The following RGS3 variants were observed in gnomAD, a reference collection of about 807,000 sequenced individuals.
RGS3 encodes the protein regulator of G protein signaling 3.
Under a neutral mutation model 132.6 loss-of-function variants are expected in RGS3, and 80 were observed. The observed-to-expected ratio is 0.60, with a 90% CI of 0.50 to 0.73. The LOEUF (loss-of-function observed/expected upper bound fraction) is 0.73. Among genes scored for constraint, RGS3 ranks in the 30% least tolerant of loss-of-function variants. The pLI, the probability that RGS3 is intolerant of heterozygous loss-of-function variation, is 0.00. For missense variants in RGS3, 1,382 were observed against 1,530.8 expected (o/e 0.90, Z 1.62); for synonymous variants, 598 against 620.6 (o/e 0.96, Z 0.54).
intron 15 of RGS3, among the ~76,000 whole-genome samples, chr9:113,515,683 C>A (rs10981803): frequency 0.12 from 18,044 of 152,116 alleles, 1,278 homozygotes; most frequent in African/African-American, 0.19. Context: ...ATTCCATCAC[C>A]CAGATATGAT....
intron 20 of RGS3, among the ~76,000 whole-genome samples, chr9:113,589,502 C>T (rs184024311): frequency 7.2e-5 from 11 of 152,328 alleles, no homozygotes; most frequent in Middle Eastern, 3.4e-3. Flanking sequence ...AAGGAAGAGC[C>T]CATTTCCCAG....
intron 6 of RGS3, 112 bp downstream of exon 4, chr9:113,484,344 A>C (rs567765763): frequency 2.6e-5 from 13 of 499,396 alleles, no homozygotes; most frequent in South Asian, 2.4e-4. Flanking sequence ...AAAAAAAAAA[A>C]AAAAACCAAA....
At chr9:113,578,989 C>G (rs1280813246) in intron 19 of RGS3, among the ~76,000 whole-genome samples, 1 of 152,150 alleles carries the variant, frequency 6.6e-6, no homozygotes, top group Non-Finnish European at 1.5e-5. Flanking sequence ...GATTCCAGTC[C>G]AGGTCTTCTG....
intron 8 of RGS3, among the ~76,000 whole-genome samples, chr9:113,497,013 T>G (rs1830707213): frequency 6.6e-6 from 1 of 152,168 alleles, no homozygotes; most frequent in Non-Finnish European, 1.5e-5. Context: ...ATACCAGGCA[T>G]AGTGTGAGGC....
chr9:113,594,201 C>T lies in RGS3; in HGVS notation c.3081-229C>T, dbSNP rs373308593. 112 of 1,612,826 alleles carry T rather than the reference C, an allele frequency of 6.9e-5. 2 individuals are homozygous for T. The South Asian group carries it at 9.3e-4, about 13-fold the overall frequency. On this transcript the variant is annotated intron_variant, in intron 21 of 24. Transcript: ENST00000350696. Reference sequence around the variant, plus strand: ...CCGTTGCTGCCCGCTGCCCAGGACGCGGGGTGGGGGACAGGAGCCAGAGTG... The same window carrying T: ...CCGTTGCTGCCCGCTGCCCAGGACGTGGGGTGGGGGACAGGAGCCAGAGTG...
chr9:113,569,599 T>C (rs1453754132), intron 19 of RGS3, among the ~76,000 whole-genome samples: 1 of 146,234 alleles, frequency 6.8e-6, no homozygotes, highest in Non-Finnish European at 1.5e-5. Flanking sequence ...CCTTCCTTCC[T>C]TCCTTCCTTC....
At chr9:113,570,709 G>A (rs754567432) in intron 19 of RGS3, among the ~76,000 whole-genome samples, 34 of 151,744 alleles carry the variant, frequency 2.2e-4, no homozygotes, top group South Asian at 4.2e-4. Flanking sequence ...GGGGTGCAGT[G>A]CACTGCAACC....
exon 25 of RGS3, chr9:113,597,104 C>G (rs1835827671): frequency 7.7e-6 from 5 of 649,090 alleles, no homozygotes; most frequent in Non-Finnish European, 7.7e-6. Flanking sequence ...GAGGCCTGGA[C>G]CAAGAGAGGC....
chr9:113,583,759 CCTG>C, exon 20 of RGS3: 1 of 1,614,160 alleles, frequency 6.2e-7, no homozygotes, highest in Non-Finnish European at 8.5e-7. Flanking sequence ...CCAGGACCTA[CCTG>C]CTGGTCAAGA....
chr9:113,593,701 A>C (rs1022612499), intron 21 of RGS3: 1 of 580,934 alleles, frequency 1.7e-6, no homozygotes, highest in African/African-American at 1.9e-5. Context: ...AGAGGGGCGA[A>C]CATGAGCAAG....
chr9:113,485,333 C>T, intron 6 of RGS3, among the ~76,000 whole-genome samples: 1 of 152,162 alleles, frequency 6.6e-6, no homozygotes, highest in East Asian at 1.9e-4. Context: ...TCATGATCCG[C>T]CCACCTCTGT....
At chr9:113,505,514 G>C (rs374163986) in exon 11 of RGS3, 1 of 1,613,974 alleles carries the variant, frequency 6.2e-7, no homozygotes, top group South Asian at 1.1e-5. Context: ...AGTCCAGGCC[G>C]TGGATTCCGG....
chr9:113,455,703 C>T (rs1032258318), upstream of RGS3, among the ~76,000 whole-genome samples: 6 of 152,198 alleles, frequency 3.9e-5, no homozygotes, highest in African/African-American at 1.4e-4. Context: ...GTGGTATTTA[C>T]AGCAACCAGC....
intron 19 of RGS3, among the ~76,000 whole-genome samples, chr9:113,553,452 AAAAAAAAATAT>A (rs1404251532): frequency 2.9e-4 from 32 of 108,754 alleles, no homozygotes; most frequent in African/African-American, 4.9e-4. Context: ...AAAAAAAAAA[AAAAAAAAATAT>A]ATATATATAT....
intron 19 of RGS3, among the ~76,000 whole-genome samples, chr9:113,556,257 A>G (rs1833562247): frequency 6.6e-6 from 1 of 152,120 alleles, no homozygotes; most frequent in African/African-American, 2.4e-5. Context: ...TTCTTTTGGT[A>G]ATTTTTCCTG....
exon 3 of RGS3, chr9:113,462,143 G>A (rs1428421183): frequency 1.2e-6 from 2 of 1,614,166 alleles, no homozygotes; most frequent in African/African-American, 1.3e-5. Context: ...GAAGAGATGA[G>A]TGGACTCAAA....
intron 20 of RGS3, among the ~76,000 whole-genome samples, chr9:113,587,826 C>T (rs1184757314): frequency 2.0e-5 from 3 of 152,174 alleles, no homozygotes; most frequent in Non-Finnish European, 2.9e-5. Flanking sequence ...CCACTCCCCG[C>T]CATGGTTCTC....
At chr9:113,594,001 A>T (rs767676180) in intron 21 of RGS3, 13 of 1,612,764 alleles carry the variant, frequency 8.1e-6, no homozygotes, top group South Asian at 7.7e-5. Flanking sequence ...TTGCAGACAC[A>T]TGCCCCTTTC....
chr9:113,493,392 A>G (rs911672645), intron 7 of RGS3, among the ~76,000 whole-genome samples: 20 of 152,208 alleles, frequency 1.3e-4, no homozygotes, highest in African/African-American at 4.6e-4. Flanking sequence ...CCAAGGCTGA[A>G]GGAGCTGGGA....
Sources: gnomAD v4.1 joint callset for allele counts (sites outside exome capture counted in the v4.1 genomes callset) on GRCh38, gnomAD v4.1.1 for gene constraint, MANE v1.5 for transcripts, NCBI Gene and HGNC (gene_info 2026-07-23, HGNC 2026-07-21) for gene names.